Variants in SPEN observed in about 807,000 individuals in gnomAD.
SPEN encodes the protein msx2-interacting protein.
SPEN carries 18 observed loss-of-function variants against 269.9 expected under a neutral mutation model. That is an observed-to-expected ratio of 0.07 (90% CI 0.05 to 0.10). SPEN has a LOEUF of 0.10. Among genes scored for constraint, SPEN ranks in the 10% least tolerant of loss-of-function variants. The probability of loss-of-function intolerance (pLI) is 1.00; values close to 1 mark genes in which losing one functional copy is unlikely to be tolerated. For missense variants in SPEN, 3,822 were observed against 4,631.2 expected, an observed-to-expected ratio of 0.83 and a Z score of 5.07; for synonymous variants, 1,726 against 1,765.7, an observed-to-expected ratio of 0.98 and a Z score of 0.56.
Position 15,928,673 on chromosome 1 carries a change from G to C in SPEN, c.2433G>C (p.Lys811Asn), listed in dbSNP as rs1570058646. Residue 811 changes from lysine (K) to asparagine (N), a missense_variant, in exon 11 of 15, where the codon AAG becomes AAC. Lys to Asn is a moderately conservative substitution (Grantham distance 94, BLOSUM62 0). This residue lies in a region of SPEN where 572 missense variants were observed against 582.6 expected (regional missense o/e 0.98). Transcript: ENST00000375759. The surrounding 1 kb of genome is among the most constrained non-coding windows in gnomAD (Gnocchi z 5.7). ...AGAGAGAGAGACGCTTAATACGGAA[G>C]GAAAAAGTGGAAAAGGACAAAACTG... is the stretch of plus-strand genomic sequence containing the variant. ...RVERERRLIR[K>N]EKVEKDKTDK... The C allele has an allele frequency of 1.9e-6, 3 of 1,613,942 alleles. No homozygotes were observed. The highest frequency in any genetic ancestry group is 1.6e-4 in the Middle Eastern group (1 of 6,062).
Position 15,932,260 on chromosome 1 carries a change from A to C in SPEN, c.6020A>C (p.Asp2007Ala). Residue 2007 changes from aspartate (D) to alanine (A), a missense_variant, in exon 11 of 15, where the codon GAT (aspartate) becomes GCT (alanine). By Grantham distance (126) the Asp-to-Ala change is moderately radical. Around this residue, in one of 16 missense-constraint regions of SPEN, gnomAD observed 727 missense variants for 737.9 expected, o/e 0.99. Transcript: ENST00000375759. The surrounding 1 kb of genome is among the most constrained non-coding windows in gnomAD (Gnocchi z 4.2). ...GKKGKNEPKV[D>A]ATRPEATTEV... is the part of the protein sequence containing the mutation. ...AAGGGAAAAAATGAACCGAAGGTGG[A>C]TGCTACACGTCCTGAGGCCACCACT... 6.2e-7 allele frequency: 1 copy of C among 1,611,338 alleles called. No homozygotes were observed. Among genetic ancestry groups the C allele is most frequent in the South Asian group, 1.1e-5 (1 of 90,760 alleles).
At position 15,934,864 on chromosome 1, in the gene SPEN, C is replaced by G; in HGVS notation, c.8624C>G (p.Ala2875Gly). The stretch of plus-strand genomic sequence containing the variant: ...CCATCCAAAGGCCCTCAAGCTCCTG[C>G]AGGCTATGCGAACGTGGCCACCCAT... Reference protein sequence around the residue: ...QPPSKGPQAPAGYANVATHST... With the variant: ...QPPSKGPQAPGGYANVATHST... The change falls in exon 11 of 15, where the codon GCA (alanine) becomes GGA (glycine). Residue 2875 changes from alanine (A) to glycine (G), a missense_variant. Around this residue, in one of 16 missense-constraint regions of SPEN, gnomAD observed 329 missense variants for 431.2 expected, o/e 0.76. Transcript: ENST00000375759. This position sits in a 1 kb window ranked among gnomAD's most constrained non-coding sequence, Gnocchi z 9.2. 6.2e-7 allele frequency: 1 copy of G among 1,614,176 alleles called. No homozygotes were observed. The highest frequency in any genetic ancestry group is 8.5e-7 in the Non-Finnish European group (1 of 1,180,020).
Position 15,928,898 on chromosome 1 carries a change from A to G in SPEN, c.2658A>G (p.Lys886=), listed in dbSNP as rs1455729501. 4.3e-6 allele frequency: 7 copies of G among 1,614,104 alleles called. No individual in the cohort carries two copies. Among genetic ancestry groups the G allele is most frequent in the Non-Finnish European group, 5.9e-6 (7 of 1,180,044 alleles). ...PCVVLTRVKE[K]EGKVIDHTPV... is the part of the protein sequence containing the mutation. Reference sequence around the variant, plus strand: ...TGGTTTTGACTCGAGTGAAAGAGAAAGAGGGAAAGGTCATTGACCACACTC... The same window carrying G: ...TGGTTTTGACTCGAGTGAAAGAGAAGGAGGGAAAGGTCATTGACCACACTC... The change falls in exon 11 of 15, where the codon AAA becomes AAG. Residue 886 remains lysine, a synonymous_variant. Transcript: ENST00000375759. The surrounding 1 kb of genome is among the most constrained non-coding windows in gnomAD (Gnocchi z 5.7).
At position 15,931,110 on chromosome 1, in the gene SPEN, C is replaced by T. The variant is rs778105367; in HGVS notation, c.4870C>T (p.Pro1624Ser). 5.0e-6 allele frequency: 8 copies of T among 1,614,056 alleles called. No homozygotes were observed. The highest frequency in any genetic ancestry group is 4.5e-5 in the East Asian group (2 of 44,904). Residue 1624 changes from proline to serine, a missense_variant, in exon 11 of 15, where the codon CCT (proline) becomes TCT (serine). By Grantham distance (74) the Pro-to-Ser change is moderately conservative (BLOSUM62 -1). Transcript: ENST00000375759. This position sits in a 1 kb window ranked among gnomAD's most constrained non-coding sequence, Gnocchi z 4.8. The stretch of plus-strand genomic sequence containing the variant: ...TCATCCCAAGACCCCAGAATCTGCT[C>T]CTGAGAATAAAGATTCAGAACTGAA... ...ENHPKTPESA[P>S]ENKDSELKTP...
intron 3 of SPEN, among the ~76,000 whole-genome samples, chr1:15,900,917 C>A (rs2070893089): frequency 1.3e-5 from 2 of 152,086 alleles, no homozygotes; most frequent in Non-Finnish European, 2.9e-5. Flanking sequence ...TTGTAGAACC[C>A]TGCTAAAACT....
intron 3 of SPEN, among the ~76,000 whole-genome samples, chr1:15,892,346 T>C (rs1195507471): frequency 1.3e-5 from 2 of 152,208 alleles, no homozygotes; most frequent in African/African-American, 4.8e-5. Flanking sequence ...TTTTAAAATA[T>C]GACTATTTGA....
intron 2 of SPEN, chr1:15,873,824 C>CT: frequency 1.9e-6 from 2 of 1,034,736 alleles, no homozygotes; most frequent in South Asian, 3.6e-5. Flanking sequence ...TATAGCCATT[C>CT]TTTTCTAATT....
intron 5 of SPEN, among the ~76,000 whole-genome samples, chr1:15,912,328 G>A (rs922947540): frequency 6.6e-6 from 1 of 152,130 alleles, no homozygotes; most frequent in Non-Finnish European, 1.5e-5. Flanking sequence ...GGGAACCCCT[G>A]ATTTAACAGA....
In SPEN at chr1:15,898,640, A is replaced by G. The variant is rs565850900; in HGVS notation, c.882-10681A>G. On this transcript the variant is annotated intron_variant, in intron 3 of 14. Coordinates refer to ENST00000375759, the MANE Select transcript of SPEN (RefSeq NM_015001.3). Reference sequence around the variant, plus strand: ...AGTGTCTCAGTCTTGGCTCACTGCAACCTCCACCTCCCAGGCTCAAGCGAT... The same window carrying G: ...AGTGTCTCAGTCTTGGCTCACTGCAGCCTCCACCTCCCAGGCTCAAGCGAT... Among the ~76,000 whole-genome samples the G allele has an allele frequency of 2.0e-5, 3 of 149,928 alleles. No homozygotes were observed. In the South Asian group the frequency reaches 6.3e-4, roughly 32 times the overall value.
At position 15,848,650 on chromosome 1, in the gene SPEN, CAG is replaced by C. The variant is rs1465052872; in HGVS notation, c.83+502_83+503del. The stretch of plus-strand genomic sequence containing the variant: ...TGCGAAGGGAAAGGCGGTGCGAAAA[CAG>C]AAGTCGCAGTAGGTACTGTGGTCGC... On this transcript the variant is annotated intron_variant, in intron 1 of 14. Transcript: ENST00000375759. This position sits in a 1 kb window ranked among gnomAD's most constrained non-coding sequence, Gnocchi z 5.1. 1.3e-5 allele frequency among the ~76,000 whole-genome samples: 2 copies of C among 152,180 alleles called. No individual in the cohort carries two copies. The highest frequency in any genetic ancestry group is 4.8e-5 in the African/African-American group (2 of 41,450).
intron 4 of SPEN, 89 bp from the exon 5 acceptor site, chr1:15,911,012 A>G: frequency 8.6e-7 from 1 of 1,158,672 alleles, no homozygotes; most frequent in South Asian, 1.6e-5. Flanking sequence ...CAAAAAAATG[A>G]GAAAATCAGG....
In SPEN at chr1:15,876,337, T is replaced by C. The variant is rs766422862; in HGVS notation, c.540T>C (p.His180=). 2.5e-6 allele frequency: 4 copies of C among 1,614,018 alleles called. No homozygotes were observed. The highest frequency in any genetic ancestry group is 3.4e-6 in the Non-Finnish European group (4 of 1,180,018). The change falls in exon 3 of 15, where the codon CAT becomes CAC. Residue 180 remains histidine, a synonymous_variant. Coordinates refer to ENST00000375759, the MANE Select transcript of SPEN (RefSeq NM_015001.3). ...ATCCTCGAGAGCGGACTTTACAACATGGGCTCTATTACGCTTCTCGGAGTC... is the reference window on the plus strand; with the variant it reads ...ATCCTCGAGAGCGGACTTTACAACACGGGCTCTATTACGCTTCTCGGAGTC... ...YRDPRERTLQ[H]GLYYASRSRS...
At chr1:15,858,217 G>C (rs1199417646) in intron 1 of SPEN, among the ~76,000 whole-genome samples, 1 of 150,582 alleles carries the variant, frequency 6.6e-6, no homozygotes, top group South Asian at 2.1e-4. Context: ...TCCTACCAAA[G>C]TGCTGGGATT....
Position 15,851,152 on chromosome 1 carries a change from TG to T in SPEN, c.83+3003del, listed in dbSNP as rs2070331826. Among the ~76,000 whole-genome samples, 4 of 152,190 alleles carry T rather than the reference TG, an allele frequency of 2.6e-5. 1 individual carries two copies. The South Asian group carries it at 8.3e-4, about 31-fold the overall frequency. The stretch of plus-strand genomic sequence containing the variant: ...TTTAAATTTACATTCTGATTAGTTT[TG>T]TTTGTTTGTTTGTTTTTAAATGGAC... On this transcript the variant is annotated intron_variant, in intron 1 of 14. Coordinates refer to ENST00000375759, the MANE Select transcript of SPEN (RefSeq NM_015001.3).
intron 10 of SPEN, among the ~76,000 whole-genome samples, chr1:15,924,494 T>G (rs929828676): frequency 6.6e-6 from 1 of 152,152 alleles, no homozygotes; most frequent in Non-Finnish European, 1.5e-5. Flanking sequence ...GAGTTTCCCT[T>G]TCGTTGCCCA....
intron 1 of SPEN, among the ~76,000 whole-genome samples, chr1:15,856,385 C>G (rs981004671): frequency 1.5e-4 from 23 of 152,010 alleles, no homozygotes; most frequent in Admixed American, 3.3e-4. Context: ...TTAGTAACTT[C>G]TTACTGGGAT....
rs748065174 is a variant in SPEN, at chr1:15,909,316, T to C, written c.882-5T>C. 6.2e-7 allele frequency: 1 copy of C among 1,602,752 alleles called. No individual in the cohort carries two copies. The highest frequency in any genetic ancestry group is 8.5e-7 in the Non-Finnish European group (1 of 1,176,400). ...CTAAAGTTTGTTGTTGTTGCCTTTT[T>C]GCAGCAGTGATTCCAGCAGTAGTTC... On this transcript the variant is annotated splice_region_variant and splice_polypyrimidine_tract_variant and intron_variant, in intron 3 of 14. Transcript: ENST00000375759.
At chr1:15,895,477 T>C (rs2070833287) in intron 3 of SPEN, among the ~76,000 whole-genome samples, 3 of 152,174 alleles carry the variant, frequency 2.0e-5, no homozygotes, top group Non-Finnish European at 4.4e-5. Flanking sequence ...GGCTCATCTG[T>C]CTTGTCACAT....
rs200349060 is a variant in SPEN at position 15,932,412 on chromosome 1, G to A, written c.6172G>A (p.Ala2058Thr). The A allele has an allele frequency of 3.8e-5, 61 of 1,613,950 alleles. No homozygotes were observed. The highest frequency in any genetic ancestry group is 5.0e-5 in the Admixed American group (3 of 59,998). Reference protein sequence around the residue: ...AGTDKNPPETAPVEVVEKKPA... With the variant: ...AGTDKNPPETTPVEVVEKKPA... ...CACAGACAAAAACCCCCCTGAAACC[G>A]CCCCTGTTGAAGTTGTAGAGAAAAA... Residue 2058 changes from alanine (A) to threonine (T), a missense_variant, in exon 11 of 15, where the codon GCC (alanine) becomes ACC (threonine). Physicochemically the swap from Ala to Thr is moderately conservative, Grantham distance 58. Transcript: ENST00000375759. This position sits in a 1 kb window ranked among gnomAD's most constrained non-coding sequence, Gnocchi z 4.2.
Sources: gnomAD v4.1 joint callset for allele counts (sites outside exome capture counted in the v4.1 genomes callset) on GRCh38, gnomAD v4.1.1 for gene constraint, gnomAD v4.1.1 regional missense constraint, Gnocchi (gnomAD v3.1) non-coding constraint, MANE v1.5 for transcripts, NCBI Gene and HGNC (gene_info 2026-07-23, HGNC 2026-07-21) for gene names.